The following C2CD2L variants were observed in gnomAD, a reference collection of about 807,000 sequenced individuals.
C2CD2L encodes phospholipid transfer protein C2CD2L.
C2CD2L carries 24 observed loss-of-function variants against 69.9 expected under a neutral mutation model. That is an observed-to-expected ratio of 0.34 (90% CI 0.25 to 0.48). The LOEUF (loss-of-function observed/expected upper bound fraction) is 0.48, where lower values mean the gene tolerates loss of function less well. Among genes scored for constraint, C2CD2L ranks in the 20% least tolerant of loss-of-function variants. The probability of loss-of-function intolerance (pLI) is 0.99; values close to 1 mark genes in which losing one functional copy is unlikely to be tolerated. For synonymous variants in C2CD2L, 367 were observed against 391.0 expected, an observed-to-expected ratio of 0.94 and a Z score of 0.72; for missense variants, 811 against 941.5, an observed-to-expected ratio of 0.86 and a Z score of 1.81.
Position 119,113,981 on chromosome 11 carries a change from T to C in C2CD2L, c.1616T>C (p.Val539Ala), listed in dbSNP as rs1313221032. The C allele has an allele frequency of 6.2e-7, 1 of 1,613,930 alleles. No individual in the cohort carries two copies. The highest frequency in any genetic ancestry group is 1.6e-4 in the Middle Eastern group (1 of 6,062). The stretch of plus-strand genomic sequence containing the variant: ...CGCAGCACTCTCATCATCTCTGGTG[T>C]TTCCAAGGTAACAGGGCTCTGGGGA... ...TKRSTLIISGVSKVPIAQDEL... is the reference protein window; with the variant it reads ...TKRSTLIISGASKVPIAQDEL... The change falls in exon 12 of 14, where the codon GTT (valine) becomes GCT (alanine). Residue 539 changes from valine (V) to alanine (A), a missense_variant. Physicochemically the swap from Val to Ala is moderately conservative, Grantham distance 64. Coordinates refer to ENST00000648610, the MANE Select transcript of C2CD2L (RefSeq NM_001290474.2).
intron 1 of C2CD2L, 73 bp downstream of exon 1, chr11:119,108,168 G>A (rs1946640495): frequency 1.2e-5 from 13 of 1,054,234 alleles, no homozygotes; most frequent in Admixed American, 2.5e-5. Flanking sequence ...GCTCGTGCTA[G>A]GAGGCCAGAC....
At position 119,107,403 on chromosome 11, in the gene C2CD2L, G is replaced by C. The variant is rs1334246201; in HGVS notation, c.-339G>C. 4 of 207,944 alleles carry C rather than the reference G, an allele frequency of 1.9e-5. No individual in the cohort carries two copies. Among genetic ancestry groups the C allele is most frequent in the Non-Finnish European group, 2.9e-5 (3 of 104,578 alleles). 12.9% of individuals were successfully genotyped at this position (207,944 alleles called of 1,614,324 possible). ...TCCCGGAGCCGGTGCCGGCCCGCGA[G>C]CCCCAGCGTCTCTGCAGACCAGTCC... is the stretch of plus-strand genomic sequence containing the variant. On this transcript the variant is annotated 5_prime_UTR_variant, in exon 1 of 14. Transcript: ENST00000648610. The surrounding 1 kb of genome is among the most constrained non-coding windows in gnomAD (Gnocchi z 5.4).
chr11:119,110,085 GC>G lies in C2CD2L; in HGVS notation c.355-16del. On this transcript the variant is annotated intron_variant, in intron 1 of 13. Coordinates refer to ENST00000648610, the MANE Select transcript of C2CD2L (RefSeq NM_001290474.2). The surrounding 1 kb of genome is among the most constrained non-coding windows in gnomAD (Gnocchi z 5.7). The stretch of plus-strand genomic sequence containing the variant: ...GGCAGCTCCAGAGACCTGATCCAAT[GC>G]CCACATTACTCCCTCAGAGCTCCAT... The G allele has an allele frequency of 1.3e-6, 2 of 1,575,382 alleles. No individual in the cohort carries two copies. The highest frequency in any genetic ancestry group is 1.7e-6 in the Non-Finnish European group (2 of 1,144,722).
chr11:119,113,643 G>T lies in C2CD2L; in HGVS notation c.1420G>T (p.Val474Leu). Residue 474 changes from valine to leucine, a missense_variant, in exon 11 of 14, where the codon GTG becomes TTG. Transcript: ENST00000648610. ...CTCCCGCTCCCCGTCCAAGGTGGAG[G>T]TGACCGAGAAGACGACAACTGTGCT... is the stretch of plus-strand genomic sequence containing the variant. ...SPSRSPSKVE[V>L]TEKTTTVLSE... 2 of 1,613,916 alleles carry T rather than the reference G, an allele frequency of 1.2e-6. No homozygotes were observed.
rs780951362 is a variant in C2CD2L at position 119,110,687 on chromosome 11, G to A, written c.570+7G>A. 18 of 1,613,748 alleles carry A rather than the reference G, an allele frequency of 1.1e-5. No homozygotes were observed. The highest frequency in any genetic ancestry group is 1.5e-5 in the Non-Finnish European group (18 of 1,179,982). ...GACACTGCCACCAACACAGGTAGAA[G>A]GGGATGTGGGAAACTGAGTTGGGCA... is the stretch of plus-strand genomic sequence containing the variant. On this transcript the variant is annotated splice_region_variant and intron_variant, in intron 3 of 13. Coordinates refer to ENST00000648610, the MANE Select transcript of C2CD2L (RefSeq NM_001290474.2). This position sits in a 1 kb window ranked among gnomAD's most constrained non-coding sequence, Gnocchi z 5.7.
rs1010624501 is a variant in C2CD2L at position 119,116,511 on chromosome 11, G to A, written c.*255G>A. ...AGGAGGGCCCTGTCCGGCATGTGTG[G>A]GTATTCCCCAGAAGCATTTGCCTCC... is the stretch of plus-strand genomic sequence containing the variant. On this transcript the variant is annotated 3_prime_UTR_variant, in exon 14 of 14. Coordinates refer to ENST00000648610, the MANE Select transcript of C2CD2L (RefSeq NM_001290474.2). 6.9e-6 allele frequency: 4 copies of A among 579,250 alleles called. No homozygotes were observed. In the African/African-American group the frequency reaches 7.5e-5, roughly 11 times the overall value. 35.9% of individuals were successfully genotyped at this position (579,250 alleles called of 1,614,324 possible).
At position 119,116,307 on chromosome 11, in the gene C2CD2L, C is replaced by A; in HGVS notation, c.*51C>A. 2 of 1,395,230 alleles carry A rather than the reference C, an allele frequency of 1.4e-6. No homozygotes were observed. Among genetic ancestry groups the A allele is most frequent in the Non-Finnish European group, 2.0e-6 (2 of 986,120 alleles). The allele number at this position is 1,395,230 out of a possible 1,614,324, so 86.4% of individuals were successfully genotyped here. On this transcript the variant is annotated 3_prime_UTR_variant, in exon 14 of 14. Coordinates refer to ENST00000648610, the MANE Select transcript of C2CD2L (RefSeq NM_001290474.2). Reference sequence around the variant, plus strand: ...TTCTCTCAGCCCATTCCCCACCTCCCCTTCCATACCCCTTCCTGGATCTCC... The same window carrying A: ...TTCTCTCAGCCCATTCCCCACCTCCACTTCCATACCCCTTCCTGGATCTCC...
At position 119,116,321 on chromosome 11, in the gene C2CD2L, T is replaced by C; in HGVS notation, c.*65T>C. ...TCCCCACCTCCCCTTCCATACCCCT[T>C]CCTGGATCTCCAGTGCCTGGGCCAG... On this transcript the variant is annotated 3_prime_UTR_variant, in exon 14 of 14. Coordinates refer to ENST00000648610, the MANE Select transcript of C2CD2L (RefSeq NM_001290474.2). The C allele has an allele frequency of 7.6e-7, 1 of 1,308,976 alleles. No homozygotes were observed. Among genetic ancestry groups the C allele is most frequent in the Non-Finnish European group, 1.1e-6 (1 of 914,750 alleles). The allele number at this position is 1,308,976 out of a possible 1,614,324, so 81.1% of individuals were successfully genotyped here.
chr11:119,112,305 C>T (rs371616626), intron 7 of C2CD2L, 23 bp from the exon 8 acceptor site: 7 of 1,606,768 alleles, frequency 4.4e-6, no homozygotes, highest in South Asian at 2.2e-5. Context: ...CTCCTTCCTG[C>T]CCCATCTCCT....
In C2CD2L at chr11:119,116,363, C is replaced by A; in HGVS notation, c.*107C>A. ...CTGGGCCAGGAAAGCCCTCTGGGTT[C>A]CGGGAAGCCCCGTCCACCCTGGGCC... is the stretch of plus-strand genomic sequence containing the variant. On this transcript the variant is annotated 3_prime_UTR_variant, in exon 14 of 14. Transcript: ENST00000648610. The A allele has an allele frequency of 2.2e-6, 2 of 913,198 alleles. No homozygotes were observed. Among genetic ancestry groups the A allele is most frequent in the Non-Finnish European group, 3.4e-6 (2 of 591,662 alleles). 56.6% of individuals were successfully genotyped at this position (913,198 alleles called of 1,614,324 possible).
At position 119,113,884 on chromosome 11, in the gene C2CD2L, C is replaced by T; in HGVS notation, c.1519C>T (p.Pro507Ser). ...RDSHLSNGLDPVAETAIRQLT... is the reference protein window; with the variant it reads ...RDSHLSNGLDSVAETAIRQLT... ...CAGCCACCTTTCCAACGGCTTGGAC[C>T]CTGTAGCAGAGACAGCGATTCGCCA... The change falls in exon 12 of 14, where the codon CCT becomes TCT. Residue 507 changes from proline (P) to serine (S), a missense_variant. By Grantham distance (74) the Pro-to-Ser change is moderately conservative. Transcript: ENST00000648610. The T allele has an allele frequency of 6.2e-7, 1 of 1,614,146 alleles. No individual in the cohort carries two copies. Among genetic ancestry groups the T allele is most frequent in the South Asian group, 1.1e-5 (1 of 91,082 alleles).
rs984099327 is a variant in C2CD2L, at chr11:119,109,786, A to G, written c.355-318A>G. On this transcript the variant is annotated intron_variant, in intron 1 of 13. Transcript: ENST00000648610. The surrounding 1 kb of genome is among the most constrained non-coding windows in gnomAD (Gnocchi z 5.1). ...GTTTTTTTAGGGGGTAGGGTAGGGGATGAAAGGGATTGCAGGGAGAAGAAG... is the reference window on the plus strand; with the variant it reads ...GTTTTTTTAGGGGGTAGGGTAGGGGGTGAAAGGGATTGCAGGGAGAAGAAG... 5.9e-5 allele frequency among the ~76,000 whole-genome samples: 9 copies of G among 152,014 alleles called. No homozygotes were observed. Among genetic ancestry groups the G allele is most frequent in the Non-Finnish European group, 1.3e-4 (9 of 67,990 alleles).
In C2CD2L at chr11:119,111,123, A is replaced by C; in HGVS notation, c.753A>C (p.Pro251=). 1 of 1,614,082 alleles carries C rather than the reference A, an allele frequency of 6.2e-7. No homozygotes were observed. The highest frequency in any genetic ancestry group is 1.1e-5 in the South Asian group (1 of 91,080). The part of the protein sequence containing the change: ...LIKDAIVSTQ[P]AMMVNLRACS... ...AGGATGCCATAGTCAGCACCCAGCC[A>C]GCCATGATGGTCAACCTCAGGGCTT... The change falls in exon 5 of 14, where the codon CCA becomes CCC. Residue 251 remains proline (P), a synonymous_variant. Transcript: ENST00000648610.
At chr11:119,113,513 C>T in intron 10 of C2CD2L, 98 bp from the exon 11 acceptor site, 2 of 1,487,068 alleles carry the variant, frequency 1.3e-6, no homozygotes, top group Non-Finnish European at 1.8e-6. Flanking sequence ...TCATTCTTGC[C>T]CTCTGAGTCA....
chr11:119,113,513 CCT>C, intron 10 of C2CD2L, 96 bp from the exon 11 acceptor site: 1 of 1,487,068 alleles, frequency 6.7e-7, no homozygotes, highest in South Asian at 1.3e-5. Context: ...TCATTCTTGC[CCT>C]CTGAGTCACC....
In C2CD2L at chr11:119,109,458, A is replaced by C. The variant is rs1176017534; in HGVS notation, c.355-646A>C. 6.6e-6 allele frequency among the ~76,000 whole-genome samples: 1 copy of C among 152,222 alleles called. No homozygotes were observed. Among genetic ancestry groups the C allele is most frequent in the Non-Finnish European group, 1.5e-5 (1 of 68,030 alleles). On this transcript the variant is annotated intron_variant, in intron 1 of 13. Transcript: ENST00000648610. The surrounding 1 kb of genome is among the most constrained non-coding windows in gnomAD (Gnocchi z 5.1). ...GTCCTGCTATCTGCCTTGAGGAATT[A>C]GCCAGGCCCCTGGACTCTTGGGTCC...
In C2CD2L at chr11:119,116,279, G is replaced by T; in HGVS notation, c.*23G>T. 6.4e-7 allele frequency: 1 copy of T among 1,567,780 alleles called. No homozygotes were observed. The highest frequency in any genetic ancestry group is 8.8e-7 in the Non-Finnish European group (1 of 1,138,276). On this transcript the variant is annotated 3_prime_UTR_variant, in exon 14 of 14. Coordinates refer to ENST00000648610, the MANE Select transcript of C2CD2L (RefSeq NM_001290474.2). ...TGAGGACCCAGCTCTGAAAGGGCAC[G>T]AGTTCTCTCAGCCCATTCCCCACCT...
Position 119,107,722 on chromosome 11 carries a change from G to A in C2CD2L, c.-20G>A. 1 of 1,451,462 alleles carries A rather than the reference G, an allele frequency of 6.9e-7. No individual in the cohort carries two copies. Among genetic ancestry groups the A allele is most frequent in the Non-Finnish European group, 9.0e-7 (1 of 1,107,058 alleles). The allele number at this position is 1,451,462 out of a possible 1,614,324, so 89.9% of individuals were successfully genotyped here. The stretch of plus-strand genomic sequence containing the variant: ...GCGGGTGAGCCCCAGCCGGGACCGG[G>A]ATCGGAGCCCGCGCGGAGCATGGAT... On this transcript the variant is annotated 5_prime_UTR_variant, in exon 1 of 14. Transcript: ENST00000648610. This position sits in a 1 kb window ranked among gnomAD's most constrained non-coding sequence, Gnocchi z 5.4.
At chr11:119,105,409 C>T (rs369600934), upstream of C2CD2L, among the ~76,000 whole-genome samples, 78 of 152,178 alleles carry the variant, frequency 5.1e-4, no homozygotes, top group African/African-American at 1.7e-3. Context: ...GAGGCCGAGG[C>T]GGGAGGATCA....
Sources: gnomAD v4.1 joint callset for allele counts (sites outside exome capture counted in the v4.1 genomes callset) on GRCh38, gnomAD v4.1.1 for gene constraint, Gnocchi (gnomAD v3.1) non-coding constraint, MANE v1.5 for transcripts, NCBI Gene and HGNC (gene_info 2026-07-23, HGNC 2026-07-21) for gene names.